Variants in SLC5A12 observed in about 807,000 individuals in gnomAD.
SLC5A12 encodes sodium-coupled monocarboxylate transporter 2.
A neutral mutation model predicts 72.7 loss-of-function variants in SLC5A12; 46 were observed. The observed-to-expected ratio is 0.63, with a 90% CI of 0.50 to 0.81. The LOEUF (loss-of-function observed/expected upper bound fraction) is 0.81, where lower values mean the gene tolerates loss of function less well. Among genes scored for constraint, SLC5A12 ranks in the 30% least tolerant of loss-of-function variants. The pLI, the probability that SLC5A12 is intolerant of heterozygous loss-of-function variation, is 0.00. For missense variants in SLC5A12, 683 were observed against 740.7 expected, an observed-to-expected ratio of 0.92 and a Z score of 0.90; for synonymous variants, 275 against 264.4, an observed-to-expected ratio of 1.04 and a Z score of -0.39.
intron 9 of SLC5A12, 134 bp downstream of exon 9, chr11:26,692,354 AT>A: frequency 1.6e-6 from 1 of 644,574 alleles, no homozygotes; most frequent in South Asian, 1.8e-5. Context: ...GTAAGAATCT[AT>A]GTGTGGGATT....
intron 10 of SLC5A12, among the ~76,000 whole-genome samples, chr11:26,685,932 G>A (rs61877314): frequency 6.6e-6 from 1 of 152,076 alleles, no homozygotes; most frequent in South Asian, 2.1e-4. Flanking sequence ...GATAGGTGGA[G>A]GTGAGCAGAT....
At chr11:26,702,088 C>G (rs1854970693) in intron 6 of SLC5A12, among the ~76,000 whole-genome samples, 1 of 152,018 alleles carries the variant, frequency 6.6e-6, no homozygotes, top group Admixed American at 6.6e-5. Flanking sequence ...ACAGGTACAG[C>G]CAACTATAAT....
chr11:26,677,952 C>T (rs1854302340), intron 13 of SLC5A12, among the ~76,000 whole-genome samples: 1 of 152,104 alleles, frequency 6.6e-6, no homozygotes, highest in South Asian at 2.1e-4. Context: ...CATTATCTCC[C>T]ACACTCTCAC....
Position 26,710,370 on chromosome 11 carries a change from G to A in SLC5A12, c.457+937C>T, listed in dbSNP as rs185975250. ...TAACAGAATGATTATAATCCTTTGGGTGCATACCCAGTAATGGGATGCTGG... is the reference window on the plus strand; with the variant it reads ...TAACAGAATGATTATAATCCTTTGGATGCATACCCAGTAATGGGATGCTGG... On this transcript the variant is annotated intron_variant, in intron 3 of 14. Transcript: ENST00000396005. 4.7e-3 allele frequency among the ~76,000 whole-genome samples: 713 copies of A among 152,208 alleles called. 2 individuals carry two copies. Among genetic ancestry groups the A allele is most frequent in the Non-Finnish European group, 6.9e-3 (467 of 68,004 alleles).
intron 4 of SLC5A12, among the ~76,000 whole-genome samples, chr11:26,705,317 C>T (rs1293871221): frequency 2.0e-5 from 3 of 151,806 alleles, no homozygotes; most frequent in Non-Finnish European, 2.9e-5. Context: ...GTGGGATGAG[C>T]AAGTGGGGAA....
chr11:26,692,206 T>C (rs7930089), intron 9 of SLC5A12: 243,077 of 244,492 alleles, frequency 0.99, 120,862 homozygotes, highest in South Asian at 1. Flanking sequence ...TCCTGGGCCG[T>C]ATGCGGCCCA....
In SLC5A12 at chr11:26,686,493, A is replaced by G; in HGVS notation, c.1205T>C (p.Met402Thr). 3 of 1,614,048 alleles carry G rather than the reference A, an allele frequency of 1.9e-6. No homozygotes were observed. The highest frequency in any genetic ancestry group is 1.3e-5 in the African/African-American group (1 of 75,038). ...TTTCGTTACCTGCACAACACCTCCC[A>G]TGACAGATGCAGCCACAGCCATAGA... is the stretch of plus-strand genomic sequence containing the variant. ...CTSMAVAASVMGGVVQASLSI... is the reference protein window; with the variant it reads ...CTSMAVAASVTGGVVQASLSI... The change falls in exon 10 of 15, where the codon ATG becomes ACG. Residue 402 changes from methionine (M) to threonine (T), a missense_variant. Met to Thr is a moderately conservative substitution (Grantham distance 81, BLOSUM62 -1). Transcript: ENST00000396005.
intron 6 of SLC5A12, among the ~76,000 whole-genome samples, chr11:26,701,283 A>G (rs1854952287): frequency 6.6e-6 from 1 of 152,184 alleles, no homozygotes; most frequent in South Asian, 2.1e-4. Flanking sequence ...CCCTTTTCTA[A>G]AGAGAATTTT....
intron 10 of SLC5A12, among the ~76,000 whole-genome samples, chr11:26,685,308 A>T (rs1590714656): frequency 6.6e-6 from 1 of 152,188 alleles, no homozygotes; most frequent in South Asian, 2.1e-4. Flanking sequence ...ATGCCATGAT[A>T]AGAAACTCTA....
rs36100337 is a variant in SLC5A12 at position 26,689,090 on chromosome 11, C to CAA, written c.1154-2548_1154-2547dup. ...ACTTTATGCCGTAAGAAGGACGTTA[C>CAA]AAAAAAAAAAAAAAAAAAGTGCAGG... On this transcript the variant is annotated intron_variant, in intron 9 of 14. Transcript: ENST00000396005. Among the ~76,000 whole-genome samples the CAA allele has an allele frequency of 2.9e-3, 318 of 111,290 alleles. 3 individuals carry two copies. Among genetic ancestry groups the CAA allele is most frequent in the Non-Finnish European group, 2.6e-3 (141 of 54,716 alleles). 73.0% of individuals were successfully genotyped at this position (111,290 alleles called of 152,430 possible). A position where few individuals can be genotyped will look rare whatever the true frequency, so the allele number is the denominator to read the frequency against.
In SLC5A12 at chr11:26,721,749, C is replaced by T. The variant is rs74704580; in HGVS notation, c.-35G>A. 3,657 of 1,577,148 alleles carry T rather than the reference C, an allele frequency of 2.3e-3. 75 individuals are homozygous for T. In the African/African-American group the frequency reaches 0.044, roughly 19 times the overall value. ...TATGACACCAGAGAGTTTCTTTCAA[C>T]GAGGTCTCAGGAAGAAGATGTTTCC... On this transcript the variant is annotated 5_prime_UTR_variant, in exon 1 of 15. Transcript: ENST00000396005.
intron 14 of SLC5A12, 119 bp from the exon 15 acceptor site, chr11:26,671,370 T>C (rs1854138892): frequency 1.4e-6 from 1 of 701,020 alleles, no homozygotes; most frequent in Non-Finnish European, 2.3e-6. Context: ...AAAAGAAGCA[T>C]AAACAACTCT....
Position 26,671,015 on chromosome 11 carries a change from C to T in SLC5A12, c.*87G>A. 1.6e-6 allele frequency: 2 copies of T among 1,282,266 alleles called. No homozygotes were observed. Among genetic ancestry groups the T allele is most frequent in the South Asian group, 1.7e-5 (1 of 59,892 alleles). The allele number at this position is 1,282,266 out of a possible 1,614,324, so 79.4% of individuals were successfully genotyped here. ...TTCTAGCAATGGCAACTATACATAT[C>T]TACTAACAAGTAGGCAAGAAGTATG... On this transcript the variant is annotated 3_prime_UTR_variant, in exon 15 of 15. Coordinates refer to ENST00000396005, the MANE Select transcript of SLC5A12 (RefSeq NM_178498.4).
chr11:26,700,651 C>A (rs1854937392), intron 6 of SLC5A12, among the ~76,000 whole-genome samples: 1 of 152,174 alleles, frequency 6.6e-6, no homozygotes, highest in Admixed American at 6.5e-5. Flanking sequence ...TGATACCCTG[C>A]ATCAACTCCT....
At chr11:26,684,560 C>A (rs999413476) in intron 10 of SLC5A12, among the ~76,000 whole-genome samples, 1 of 152,116 alleles carries the variant, frequency 6.6e-6, no homozygotes, top group Non-Finnish European at 1.5e-5. Context: ...GTTTTCATTT[C>A]TTGCCTATCA....
At chr11:26,693,905 C>T (rs939837880) in intron 8 of SLC5A12, among the ~76,000 whole-genome samples, 4 of 152,102 alleles carry the variant, frequency 2.6e-5, no homozygotes, top group Non-Finnish European at 4.4e-5. Context: ...CCAGACTCCT[C>T]TTCTATCTGG....
At chr11:26,694,766 A>C (rs532479345) in intron 8 of SLC5A12, among the ~76,000 whole-genome samples, 15 of 152,320 alleles carry the variant, frequency 9.8e-5, no homozygotes, top group African/African-American at 3.6e-4. Flanking sequence ...TTTTACCAAA[A>C]TATACCACTC....
At chr11:26,672,746 A>G (rs1277483330) in intron 14 of SLC5A12, among the ~76,000 whole-genome samples, 8 of 152,146 alleles carry the variant, frequency 5.3e-5, no homozygotes, top group Admixed American at 1.3e-4. Context: ...AAACCTTAAT[A>G]GAACTTGGAC....
intron 3 of SLC5A12, 51 bp downstream of exon 3, chr11:26,711,256 A>T (rs1333907490): frequency 7.0e-7 from 1 of 1,436,612 alleles, no homozygotes; most frequent in Admixed American, 1.7e-5. Flanking sequence ...GCAAGGTGAG[A>T]ATTCAGGCAT....
Sources: gnomAD v4.1 joint callset for allele counts (sites outside exome capture counted in the v4.1 genomes callset) on GRCh38, gnomAD v4.1.1 for gene constraint, MANE v1.5 for transcripts, NCBI Gene and HGNC (gene_info 2026-07-23, HGNC 2026-07-21) for gene names.